Variants in KCNAB2 observed in about 807,000 individuals in gnomAD.
KCNAB2 encodes the protein voltage-gated potassium channel subunit beta-2.
KCNAB2 carries 29 observed loss-of-function variants against 63.6 expected under a neutral mutation model. That is an observed-to-expected ratio of 0.46 (90% CI 0.34 to 0.62). KCNAB2 has a LOEUF of 0.62. Among genes scored for constraint, KCNAB2 ranks in the 20% least tolerant of loss-of-function variants. The pLI is 0.01. For missense variants in KCNAB2, 359 were observed against 563.9 expected, an observed-to-expected ratio of 0.64 and a Z score of 3.68; for synonymous variants, 222 against 224.2, an observed-to-expected ratio of 0.99 and a Z score of 0.09.
chr1:6,004,034 C>T (rs556200773), intron 1 of KCNAB2, among the ~76,000 whole-genome samples: 77 of 152,230 alleles, frequency 5.1e-4, no homozygotes, highest in Middle Eastern at 3.4e-3. Context: ...TACAGTCCCC[C>T]GGAGAGCAGG....
At chr1:6,009,017 G>T (rs866531259) in intron 1 of KCNAB2, among the ~76,000 whole-genome samples, 2 of 152,342 alleles carry the variant, frequency 1.3e-5, no homozygotes, top group Middle Eastern at 6.8e-3. Context: ...AAGCAAAAGT[G>T]CCCCTGGGTG....
intron 1 of KCNAB2, among the ~76,000 whole-genome samples, chr1:5,999,652 A>G (rs538037728): frequency 1.3e-5 from 2 of 152,004 alleles, no homozygotes; most frequent in Non-Finnish European, 2.9e-5. Flanking sequence ...GGCCTCTTGG[A>G]ATGTGGTTTG....
In KCNAB2 at chr1:6,073,867, G is replaced by A; in HGVS notation, c.300+97G>A. The stretch of plus-strand genomic sequence containing the variant: ...GTGGACCAGTGAGCACGTGCTCCCG[G>A]GAGCCAGCGCAGCAGCCTCCCTCCC... On this transcript the variant is annotated intron_variant, in intron 4 of 15. Coordinates refer to ENST00000378083, the MANE Select transcript of KCNAB2 (RefSeq NM_001199862.2). The surrounding 1 kb of genome is among the most constrained non-coding windows in gnomAD (Gnocchi z 5.7). 7.8e-7 allele frequency: 1 copy of A among 1,277,602 alleles called. No individual in the cohort carries two copies. The highest frequency in any genetic ancestry group is 1.1e-6 in the Non-Finnish European group (1 of 878,102). 79.1% of individuals were successfully genotyped at this position (1,277,602 alleles called of 1,614,324 possible). A position where few individuals can be genotyped will look rare whatever the true frequency, so the allele number is the denominator to read the frequency against.
rs917236334 is a variant in KCNAB2, at chr1:6,073,265, C to T, written c.262+467C>T. 6.6e-6 allele frequency among the ~76,000 whole-genome samples: 1 copy of T among 151,812 alleles called. No individual in the cohort carries two copies. The highest frequency in any genetic ancestry group is 2.4e-5 in the African/African-American group (1 of 41,208). ...CCCCTCTGCATGCAGTACACACACC[C>T]CCACACACACACCGCCCACTGCAGT... On this transcript the variant is annotated intron_variant, in intron 3 of 15. Coordinates refer to ENST00000378083, the MANE Select transcript of KCNAB2 (RefSeq NM_001199862.2). The surrounding 1 kb of genome is among the most constrained non-coding windows in gnomAD (Gnocchi z 5.7).
chr1:5,999,971 G>A (rs1413607970), intron 1 of KCNAB2, among the ~76,000 whole-genome samples: 1 of 150,702 alleles, frequency 6.6e-6, no homozygotes, highest in African/African-American at 2.5e-5. Flanking sequence ...CACCCTGCCT[G>A]CACCCCATCC....
chr1:6,086,089 A>G lies in KCNAB2; in HGVS notation c.425+841A>G. On this transcript the variant is annotated intron_variant, in intron 6 of 15. Coordinates refer to ENST00000378083, the MANE Select transcript of KCNAB2 (RefSeq NM_001199862.2). The surrounding 1 kb of genome is among the most constrained non-coding windows in gnomAD (Gnocchi z 4.2). Reference sequence around the variant, plus strand: ...TTTGAGGCTCCCCAGACCCCTGGACACAGCTTTATCTCAAGGTGCTGACAA... The same window carrying G: ...TTTGAGGCTCCCCAGACCCCTGGACGCAGCTTTATCTCAAGGTGCTGACAA... 1.0e-6 allele frequency: 1 copy of G among 985,428 alleles called. No homozygotes were observed. Among genetic ancestry groups the G allele is most frequent in the Non-Finnish European group, 1.2e-6 (1 of 829,936 alleles). 61.0% of individuals were successfully genotyped at this position (985,428 alleles called of 1,614,324 possible).
chr1:6,090,558 A>C, intron 9 of KCNAB2, 83 bp downstream of exon 9: 2 of 1,085,230 alleles, frequency 1.8e-6, no homozygotes, highest in South Asian at 1.3e-5. Flanking sequence ...GGCCGCCAGC[A>C]TGGGCCCTGC....
intron 1 of KCNAB2, among the ~76,000 whole-genome samples, chr1:6,020,305 C>T (rs1159497998): frequency 6.6e-6 from 1 of 152,082 alleles, no homozygotes; most frequent in Non-Finnish European, 1.5e-5. Context: ...TTTTGGTGGT[C>T]CCCAGACAGG....
At position 6,100,185 on chromosome 1, in the gene KCNAB2, A is replaced by G. The variant is rs1665938978; in HGVS notation, c.*1611A>G. On this transcript the variant is annotated 3_prime_UTR_variant, in exon 16 of 16. Transcript: ENST00000378083. ...CCGGGCCAAGGCCTGGGAAACTGTG[A>G]AAGTCAGAAAGGCCAGCGGGGAGAG... 2 of 1,188,550 alleles carry G rather than the reference A, an allele frequency of 1.7e-6. No individual in the cohort carries two copies. The highest frequency in any genetic ancestry group is 2.2e-6 in the Non-Finnish European group (2 of 899,352). The allele number at this position is 1,188,550 out of a possible 1,614,324, so 73.6% of individuals were successfully genotyped here. A position where few individuals can be genotyped will look rare whatever the true frequency, so the allele number is the denominator to read the frequency against.
chr1:6,015,825 C>A (rs1658463155), intron 1 of KCNAB2, among the ~76,000 whole-genome samples: 1 of 152,156 alleles, frequency 6.6e-6, no homozygotes, highest in Non-Finnish European at 1.5e-5. Context: ...CCCACTCAGC[C>A]TCCCAAGTAG....
chr1:6,002,022 C>G (rs1007599634), intron 1 of KCNAB2, among the ~76,000 whole-genome samples: 1 of 152,176 alleles, frequency 6.6e-6, no homozygotes, highest in African/African-American at 2.4e-5. Flanking sequence ...CTGTGGGCCT[C>G]GTGAGGACAG....
In KCNAB2 at chr1:6,028,787, G is replaced by A. The variant is rs142533947; in HGVS notation, c.-52-11730G>A. Among the ~76,000 whole-genome samples the A allele has an allele frequency of 3.2e-3, 482 of 152,336 alleles. 4 individuals carry two copies. The highest frequency in any genetic ancestry group is 3.2e-3 in the Non-Finnish European group (218 of 68,022). On this transcript the variant is annotated intron_variant, in intron 1 of 16. Transcript: ENST00000341524. The surrounding 1 kb of genome is among the most constrained non-coding windows in gnomAD (Gnocchi z 4.0). Reference sequence around the variant, plus strand: ...CCTCCTGGTGGCCACTGTCCCCATCGTATTAGAGTTGGCCTTTTGAAAGCT... The same window carrying A: ...CCTCCTGGTGGCCACTGTCCCCATCATATTAGAGTTGGCCTTTTGAAAGCT...
intron 1 of KCNAB2, among the ~76,000 whole-genome samples, chr1:6,012,893 G>A (rs1413683223): frequency 6.6e-6 from 1 of 152,050 alleles, no homozygotes; most frequent in Non-Finnish European, 1.5e-5. Context: ...GAGATGCCTG[G>A]CTCTCCACAC....
intron 5 of KCNAB2, among the ~76,000 whole-genome samples, chr1:6,084,531 C>A (rs571981859): frequency 6.6e-6 from 1 of 152,196 alleles, no homozygotes; most frequent in African/African-American, 2.4e-5. Flanking sequence ...AAAAAAGATA[C>A]TTGTCCCGGC....
intron 2 of KCNAB2, among the ~76,000 whole-genome samples, chr1:6,068,135 G>A (rs891971228): frequency 6.6e-6 from 1 of 152,216 alleles, no homozygotes; most frequent in African/African-American, 2.4e-5. Context: ...GATCTCAAAG[G>A]AGTTAAAAGC....
chr1:6,094,099 A>C (rs1408818308), intron 10 of KCNAB2, among the ~76,000 whole-genome samples: 2 of 152,182 alleles, frequency 1.3e-5, no homozygotes, highest in African/African-American at 4.8e-5. Context: ...TGTCCCCTCT[A>C]ATCTACCATA....
At chr1:6,047,302 C>T (rs746052306) in intron 1 of KCNAB2, among the ~76,000 whole-genome samples, 1 of 152,208 alleles carries the variant, frequency 6.6e-6, no homozygotes, top group Non-Finnish European at 1.5e-5. Context: ...CGTCCAAGGA[C>T]CTGACGCTGC....
intron 1 of KCNAB2, among the ~76,000 whole-genome samples, chr1:6,016,141 A>G (rs1484125268): frequency 2.6e-5 from 4 of 152,226 alleles, no homozygotes. Flanking sequence ...ACTACATTCC[A>G]GCCACCAGCA....
Position 6,094,686 on chromosome 1 carries a change from C to T in KCNAB2, c.732+201C>T, listed in dbSNP as rs146553961. Among the ~76,000 whole-genome samples the T allele has an allele frequency of 2.8e-4, 43 of 152,328 alleles. No homozygotes were observed. In the East Asian group the frequency reaches 6.8e-3, roughly 24 times the overall value. ...GACGGGGATTCTGCATGGATCCCAG[C>T]GCTGTGTGGCCCTGGACAAATGGCT... On this transcript the variant is annotated intron_variant, in intron 11 of 15. Coordinates refer to ENST00000378083, the MANE Select transcript of KCNAB2 (RefSeq NM_001199862.2).
Sources: gnomAD v4.1 joint callset for allele counts (sites outside exome capture counted in the v4.1 genomes callset) on GRCh38, gnomAD v4.1.1 for gene constraint, Gnocchi (gnomAD v3.1) non-coding constraint, MANE v1.5 for transcripts, NCBI Gene and HGNC (gene_info 2026-07-23, HGNC 2026-07-21) for gene names.